CCL4: variants seen among roughly 807,000 people sequenced by gnomAD.
CCL4 encodes C-C motif chemokine ligand 4.
In CCL4, 8 loss-of-function variants were observed where a neutral mutation model predicts 10.3. The ratio of observed to expected loss-of-function variants is 0.77; its 90% CI spans 0.45 to 1.39. The LOEUF (loss-of-function observed/expected upper bound fraction) is 1.39. Ranked by LOEUF, CCL4 falls within the 40% of genes most tolerant of loss-of-function variation. The probability of loss-of-function intolerance (pLI) is 0.00; values close to 1 mark genes in which losing one functional copy is unlikely to be tolerated. For missense variants in CCL4, 106 were observed against 111.2 expected (o/e 0.95, Z 0.21); for synonymous variants, 35 against 44.3 (o/e 0.79, Z 0.83).
At position 36,104,793 on chromosome 17, in the gene CCL4, A is replaced by T. The variant is rs1474059360; in HGVS notation, c.191+151A>T. The T allele has an allele frequency of 8.9e-6, 9 of 1,011,696 alleles. No individual in the cohort carries two copies. In the African/African-American group the frequency reaches 1.4e-4, roughly 16 times the overall value. The allele number at this position is 1,011,696 out of a possible 1,614,324, so 62.7% of individuals were successfully genotyped here. A position where few individuals can be genotyped will look rare whatever the true frequency, so the allele number is the denominator to read the frequency against. On this transcript the variant is annotated intron_variant, in intron 2 of 2. Transcript: ENST00000615863. ...GAGAGCAGTGAGGACACAGGTCATG[A>T]ACTCACTTTTCAAGTGCTGAAGGCG...
chr17:36,103,835 A>C lies in CCL4; in HGVS notation c.-71A>C. On this transcript the variant is annotated 5_prime_UTR_variant, in exon 1 of 3. Transcript: ENST00000615863. ...ATTCCCAAGTCAGTATCAGCACAGG[A>C]CACAGCTGGGTTCTGAAGCTTCTGA... 6.5e-7 allele frequency: 1 copy of C among 1,542,388 alleles called. No homozygotes were observed. Among genetic ancestry groups the C allele is most frequent in the Non-Finnish European group, 9.0e-7 (1 of 1,114,780 alleles).
rs1049834 is a variant in CCL4, at chr17:36,105,536, G to C, written c.*224G>C. On this transcript the variant is annotated 3_prime_UTR_variant, in exon 3 of 3. Coordinates refer to ENST00000615863, the MANE Select transcript of CCL4 (RefSeq NM_002984.4). ...CCTATGGGGATGGTCCACTGTCACT[G>C]TTTCTCTGCTGTTGCAAATACATGG... The C allele has an allele frequency of 3.6e-5, 22 of 606,270 alleles. No individual in the cohort carries two copies. Among genetic ancestry groups the C allele is most frequent in the Non-Finnish European group, 5.7e-5 (19 of 335,162 alleles). 37.6% of individuals were successfully genotyped at this position (606,270 alleles called of 1,614,324 possible).
Position 36,104,584 on chromosome 17 carries a change from C to G in CCL4, c.133C>G (p.Arg45Gly). 6.2e-7 allele frequency: 1 copy of G among 1,613,324 alleles called. No homozygotes were observed. Among genetic ancestry groups the G allele is most frequent in the Non-Finnish European group, 8.5e-7 (1 of 1,179,844 alleles). Residue 45 changes from arginine (R) to glycine (G), a missense_variant, in exon 2 of 3, where the codon CGC (arginine) becomes GGC (glycine). Coordinates refer to ENST00000615863, the MANE Select transcript of CCL4 (RefSeq NM_002984.4). ...TTCTTACACCGCGAGGAAGCTTCCT[C>G]GCAACTTTGTGGTAGATTACTATGA... ...CFSYTARKLP[R>G]NFVVDYYETS...
Position 36,105,180 on chromosome 17 carries a change from C to G in CCL4, c.192-45C>G, listed in dbSNP as rs139302406. 9.1e-5 allele frequency: 144 copies of G among 1,580,382 alleles called. 1 individual carries two copies. In the Middle Eastern group the frequency reaches 2.5e-3, roughly 27 times the overall value. Reference sequence around the variant, plus strand: ...TGCAAAGGATAAAGCCAGATGACCTCAAAGGTCTCATGAGATTCTAATCTG... The same window carrying G: ...TGCAAAGGATAAAGCCAGATGACCTGAAAGGTCTCATGAGATTCTAATCTG... On this transcript the variant is annotated intron_variant, in intron 2 of 2. Transcript: ENST00000615863.
At position 36,105,418 on chromosome 17, in the gene CCL4, C is replaced by T. The variant is rs1049819; in HGVS notation, c.*106C>T. 2.7e-6 allele frequency: 3 copies of T among 1,104,566 alleles called. No homozygotes were observed. The highest frequency in any genetic ancestry group is 2.4e-5 in the East Asian group (1 of 42,280). The allele number at this position is 1,104,566 out of a possible 1,614,324, so 68.4% of individuals were successfully genotyped here. On this transcript the variant is annotated 3_prime_UTR_variant, in exon 3 of 3. Transcript: ENST00000615863. The stretch of plus-strand genomic sequence containing the variant: ...AGGACTCCTCTCCGCAGTTCCTGTC[C>T]CTTCTCTTAATTTAATCTTTTTTAT...
chr17:36,104,579 T>G lies in CCL4; in HGVS notation c.128T>G (p.Leu43Arg), dbSNP rs773355755. 6.2e-7 allele frequency: 1 copy of G among 1,613,228 alleles called. No individual in the cohort carries two copies. The highest frequency in any genetic ancestry group is 2.2e-5 in the East Asian group (1 of 44,864). Residue 43 changes from leucine to arginine, a missense_variant, in exon 2 of 3, where the codon CTT (leucine) becomes CGT (arginine). Physicochemically the swap from Leu to Arg is moderately radical, Grantham distance 102 (BLOSUM62 -2). Coordinates refer to ENST00000615863, the MANE Select transcript of CCL4 (RefSeq NM_002984.4). ...TGCTTTTCTTACACCGCGAGGAAGC[T>G]TCCTCGCAACTTTGTGGTAGATTAC... ...ACCFSYTARK[L>R]PRNFVVDYYE... is the part of the protein sequence containing the mutation.
In CCL4 at chr17:36,104,696, A is replaced by T. The variant is rs2905542; in HGVS notation, c.191+54A>T. ...GAGGCAAGGGTGAGGGCTGGATTTT[A>T]AAAGAGGGCCTGTTTTGGGGAGGGG... On this transcript the variant is annotated intron_variant, in intron 2 of 2. Transcript: ENST00000615863. 3,612 of 1,608,976 alleles carry T rather than the reference A, an allele frequency of 2.2e-3. 65 individuals carry two copies. In the African/African-American group the frequency reaches 0.041, roughly 18 times the overall value.
intron 2 of CCL4, 195 bp downstream of exon 2, chr17:36,104,837 G>C (rs765659409): frequency 2.8e-4 from 217 of 767,444 alleles, no homozygotes; most frequent in African/African-American, 5.5e-4. Context: ...GGAGCCGAGA[G>C]AGAAGGGGGT....
Position 36,104,539 on chromosome 17 carries a change from C to T in CCL4, c.88C>T (p.Pro30Ser), listed in dbSNP as rs1250692496. ...PALSAPMGSD[P>S]PTACCFSYTA... is the part of the protein sequence containing the mutation. ...GCCTTTCCTTTCAGTGGGCTCAGAC[C>T]CTCCCACCGCCTGCTGCTTTTCTTA... The change falls in exon 2 of 3, where the codon CCT (proline) becomes TCT (serine). Residue 30 changes from proline to serine, a missense_variant. Coordinates refer to ENST00000615863, the MANE Select transcript of CCL4 (RefSeq NM_002984.4). 1 of 1,611,798 alleles carries T rather than the reference C, an allele frequency of 6.2e-7. No homozygotes were observed. Among genetic ancestry groups the T allele is most frequent in the Non-Finnish European group, 8.5e-7 (1 of 1,179,810 alleles).
chr17:36,105,332 T>C lies in CCL4; in HGVS notation c.*20T>C. 1 of 1,612,262 alleles carries C rather than the reference T, an allele frequency of 6.2e-7. No homozygotes were observed. The highest frequency in any genetic ancestry group is 1.1e-5 in the South Asian group (1 of 91,044). Reference sequence around the variant, plus strand: ...AACTGAGCTGCTCAGAGACAGGAAGTCTTCAGGGAAGGTCACCTGAGCCCG... The same window carrying C: ...AACTGAGCTGCTCAGAGACAGGAAGCCTTCAGGGAAGGTCACCTGAGCCCG... On this transcript the variant is annotated 3_prime_UTR_variant, in exon 3 of 3. Coordinates refer to ENST00000615863, the MANE Select transcript of CCL4 (RefSeq NM_002984.4).
In CCL4 at chr17:36,104,607, T is replaced by A. The variant is rs780727741; in HGVS notation, c.156T>A (p.Tyr52Ter). The change falls in exon 2 of 3, where the codon TAT becomes TAA. Residue 52 changes from tyrosine to a stop codon, truncating the protein, a stop_gained. Coordinates refer to ENST00000615863, the MANE Select transcript of CCL4 (RefSeq NM_002984.4). LOFTEE classifies it high-confidence loss of function. ...CTCGCAACTTTGTGGTAGATTACTA[T>A]GAGACCAGCAGCCTCTGCTCCCAGC... ...KLPRNFVVDY[Y>*]ETSSLCSQPA... is the part of the protein sequence containing the mutation. 1 of 1,613,680 alleles carries A rather than the reference T, an allele frequency of 6.2e-7. No homozygotes were observed.
At position 36,105,356 on chromosome 17, in the gene CCL4, C is replaced by G; in HGVS notation, c.*44C>G. 7 of 1,587,788 alleles carry G rather than the reference C, an allele frequency of 4.4e-6. No homozygotes were observed. The highest frequency in any genetic ancestry group is 6.1e-6 in the Non-Finnish European group (7 of 1,155,980). ...GTCTTCAGGGAAGGTCACCTGAGCC[C>G]GGATGCTTCTCCATGAGACACATCT... On this transcript the variant is annotated 3_prime_UTR_variant, in exon 3 of 3. Coordinates refer to ENST00000615863, the MANE Select transcript of CCL4 (RefSeq NM_002984.4).
In CCL4 at chr17:36,105,243, C is replaced by G. The variant is rs546176473; in HGVS notation, c.210C>G (p.Ser70Arg). The G allele has an allele frequency of 8.1e-6, 13 of 1,613,956 alleles. No individual in the cohort carries two copies. In the African/African-American group the frequency reaches 1.5e-4, roughly 18 times the overall value. The part of the protein sequence containing the change: ...QPAVVFQTKR[S>R]KQVCADPSES... ...TCTACAGATTCCAAACCAAAAGAAG[C>G]AAGCAAGTCTGTGCTGATCCCAGTG... Residue 70 changes from serine (S) to arginine (R), a missense_variant, in exon 3 of 3, where the codon AGC becomes AGG. Coordinates refer to ENST00000615863, the MANE Select transcript of CCL4 (RefSeq NM_002984.4).
At position 36,103,929 on chromosome 17, in the gene CCL4, G is replaced by A. The variant is rs146515425; in HGVS notation, c.24G>A (p.Leu8=). The A allele has an allele frequency of 4.3e-6, 7 of 1,613,844 alleles. No homozygotes were observed. The African/African-American group carries it at 9.3e-5, about 22-fold the overall frequency. The stretch of plus-strand genomic sequence containing the variant: ...CCATGAAGCTCTGCGTGACTGTCCT[G>A]TCTCTCCTCATGCTAGTAGCTGCCT... MKLCVTV[L]SLLMLVAAFC... The change falls in exon 1 of 3, where the codon CTG becomes CTA. Residue 8 remains leucine, a synonymous_variant. Transcript: ENST00000615863.
chr17:36,104,053 C>T (rs2067140684), intron 1 of CCL4, 72 bp downstream of exon 1: 1 of 1,566,768 alleles, frequency 6.4e-7, no homozygotes, highest in African/African-American at 1.4e-5. Flanking sequence ...TCATGGCTGG[C>T]AAACAGTGGG....
intron 2 of CCL4, 129 bp from the exon 3 acceptor site, chr17:36,105,096 C>T: frequency 5.3e-6 from 5 of 946,060 alleles, no homozygotes; most frequent in Non-Finnish European, 8.7e-6. Context: ...AGTGCTGCTC[C>T]AGGAAGGATC....
At chr17:36,104,164 C>T (rs2067141343) in intron 1 of CCL4, 183 bp downstream of exon 1, 4 of 839,924 alleles carry the variant, frequency 4.8e-6, no homozygotes, top group African/African-American at 3.3e-5. Context: ...TTCCTATTTT[C>T]TTAAGAATTA....
At chr17:36,105,049 A>AAATC in intron 2 of CCL4, 176 bp from the exon 3 acceptor site, 1 of 781,546 alleles carries the variant, frequency 1.3e-6, no homozygotes, top group Non-Finnish European at 2.3e-6. Context: ...GCCCACAGCT[A>AAATC]AATCCAGTGG....
intron 2 of CCL4, 36 bp downstream of exon 2, chr17:36,104,678 G>C: frequency 4.3e-6 from 7 of 1,613,324 alleles, no homozygotes; most frequent in South Asian, 1.1e-5. Context: ...TGGGAGGCAA[G>C]GGTGAGGGCT....
Sources: allele counts gnomAD v4.1 joint callset, GRCh38; gene constraint gnomAD v4.1.1; transcripts MANE v1.5; gene names NCBI Gene and HGNC (gene_info 2026-07-23, HGNC 2026-07-21).